NAV3: variants seen among roughly 807,000 people sequenced by gnomAD.
NAV3 encodes pore membrane and/or filament interacting like protein 1.
Under a neutral mutation model 244.7 loss-of-function variants are expected in NAV3, and 87 were observed. That is an observed-to-expected ratio of 0.36 (90% confidence interval 0.30 to 0.42). The LOEUF is 0.42. Among genes scored for constraint, NAV3 ranks in the 20% least tolerant of loss-of-function variants. The pLI is 1.00. For missense variants in NAV3, 2,663 were observed against 2,893.3 expected (o/e 0.92, Z 1.83); for synonymous variants, 1,126 against 1,042.2 (o/e 1.08, Z -1.55).
chr12:77,792,939 G>A (rs184118254), intron 2 of NAV3, among the ~76,000 whole-genome samples: 6 of 152,280 alleles, frequency 3.9e-5, no homozygotes, highest in South Asian at 4.1e-4. Flanking sequence ...CCCTTCAAGT[G>A]TGCTGGGTCA....
chr12:78,129,305 G>T (rs1048462658), intron 18 of NAV3, among the ~76,000 whole-genome samples: 5 of 151,994 alleles, frequency 3.3e-5, no homozygotes, highest in Non-Finnish European at 5.9e-5. Flanking sequence ...AACAAAATTA[G>T]TAATCTTTTG....
At chr12:77,650,325 G>T (rs575505060) in intron 2 of NAV3, among the ~76,000 whole-genome samples, 2 of 152,144 alleles carry the variant, frequency 1.3e-5, no homozygotes, top group Admixed American at 1.3e-4. Flanking sequence ...GTGGAGGAGA[G>T]GGTGAATCAA....
At chr12:78,015,678 G>C (rs1403575039) in intron 8 of NAV3, among the ~76,000 whole-genome samples, 1 of 151,980 alleles carries the variant, frequency 6.6e-6, no homozygotes, top group East Asian at 1.9e-4. Flanking sequence ...GTATGTAATA[G>C]GTATTTTTGT....
At chr12:78,004,519 A>G (rs1873869242) in intron 7 of NAV3, among the ~76,000 whole-genome samples, 1 of 152,238 alleles carries the variant, frequency 6.6e-6, no homozygotes, top group African/African-American at 2.4e-5. Flanking sequence ...AGATTCATTC[A>G]TAGTCAGAAG....
At chr12:78,080,826 A>G (rs937995330) in intron 12 of NAV3, among the ~76,000 whole-genome samples, 1 of 152,268 alleles carries the variant, frequency 6.6e-6, no homozygotes, top group African/African-American at 2.4e-5. Flanking sequence ...AATGAACTGC[A>G]TACTGCAGGT....
chr12:78,004,711 T>G (rs957891430), intron 7 of NAV3, among the ~76,000 whole-genome samples: 1 of 152,242 alleles, frequency 6.6e-6, no homozygotes, highest in Non-Finnish European at 1.5e-5. Flanking sequence ...ATTATTCCAG[T>G]GCCTTCCTGA....
intron 2 of NAV3, among the ~76,000 whole-genome samples, chr12:77,770,144 A>AT (rs58707302): frequency 1.5e-4 from 23 of 150,128 alleles, no homozygotes; most frequent in East Asian, 7.8e-4. Flanking sequence ...TAGAGATCCA[A>AT]TTTTTTTTTT....
At chr12:78,108,465 C>T (rs763243977) in intron 12 of NAV3, among the ~76,000 whole-genome samples, 9 of 152,090 alleles carry the variant, frequency 5.9e-5, no homozygotes, top group African/African-American at 1.4e-4. Flanking sequence ...ACCTAACAGA[C>T]ATTTACAAAA....
chr12:77,903,894 A>G (rs1885628653), intron 1 of NAV3, among the ~76,000 whole-genome samples: 1 of 152,220 alleles, frequency 6.6e-6, no homozygotes, highest in South Asian at 2.1e-4. Flanking sequence ...ACATGAAAAA[A>G]TGCTCATCAT....
intron 2 of NAV3, among the ~76,000 whole-genome samples, chr12:77,604,721 C>T (rs1220227015): frequency 6.6e-6 from 1 of 151,976 alleles, no homozygotes. Context: ...TCGTATAATG[C>T]TCAGTTCATT....
At chr12:78,207,985 T>C (rs957688191) in intron 39 of NAV3, among the ~76,000 whole-genome samples, 5 of 152,174 alleles carry the variant, frequency 3.3e-5, no homozygotes, top group Admixed American at 1.3e-4. Context: ...ATGATAAACA[T>C]TAAATTTATG....
In NAV3 at chr12:78,200,424, GATTATTA is replaced by G. The variant is rs757706842; in HGVS notation, c.6716-47_6716-41del. 3.4e-6 allele frequency: 4 copies of G among 1,181,684 alleles called. No individual in the cohort carries two copies. The African/African-American group carries it at 6.3e-5, about 19-fold the overall frequency. The allele number at this position is 1,181,684 out of a possible 1,614,324, so 73.2% of individuals were successfully genotyped here. On this transcript the variant is annotated intron_variant, in intron 37 of 39. Transcript: ENST00000397909. ...AAAATGGTGTCTAGATATGTGTTTAGATTATTAAATATAACTCTTAAAATATTTTGTT... is the reference window on the plus strand; with the variant it reads ...AAAATGGTGTCTAGATATGTGTTTAGAATATAACTCTTAAAATATTTTGTT...
chr12:77,598,117 AG>A (rs1341716496), intron 2 of NAV3, among the ~76,000 whole-genome samples: 5 of 152,104 alleles, frequency 3.3e-5, no homozygotes, highest in African/African-American at 9.6e-5. Flanking sequence ...TACTGTAGCT[AG>A]AACATTGTTT....
chr12:77,705,595 G>A (rs564450819), intron 2 of NAV3, among the ~76,000 whole-genome samples: 2 of 151,452 alleles, frequency 1.3e-5, no homozygotes, highest in South Asian at 2.1e-4. Flanking sequence ...GCACACTTTC[G>A]AGAAAAGGAC....
chr12:77,858,651 A>G (rs1264714501), intron 1 of NAV3, among the ~76,000 whole-genome samples: 1 of 152,002 alleles, frequency 6.6e-6, no homozygotes, highest in Non-Finnish European at 1.5e-5. Flanking sequence ...CTCCACTTTC[A>G]TTTTAGTCTG....
At chr12:78,137,977 T>G (rs1593744607) in intron 19 of NAV3, among the ~76,000 whole-genome samples, 1 of 152,120 alleles carries the variant, frequency 6.6e-6, no homozygotes, top group East Asian at 1.9e-4. Flanking sequence ...TGCTCAAATA[T>G]ATATATTTTT....
intron 2 of NAV3, among the ~76,000 whole-genome samples, chr12:77,770,489 T>G (rs981321201): frequency 2.0e-5 from 3 of 152,322 alleles, no homozygotes; most frequent in African/African-American, 7.2e-5. Context: ...GATTTTTGCC[T>G]AAACTTCTTT....
At chr12:77,828,281 C>A (rs925915024), upstream of NAV3, among the ~76,000 whole-genome samples, 3 of 152,086 alleles carry the variant, frequency 2.0e-5, no homozygotes, top group African/African-American at 7.2e-5. Flanking sequence ...TGGGTAGATG[C>A]AGCAAGAAGA....
At chr12:77,929,781 C>G (rs1677897) in intron 1 of NAV3, among the ~76,000 whole-genome samples, 1 of 149,374 alleles carries the variant, frequency 6.7e-6, no homozygotes, top group Non-Finnish European at 1.5e-5. Context: ...TACAGGCACC[C>G]GCCACCACGG....
Sources: allele counts gnomAD v4.1 joint callset (sites outside exome capture counted in the v4.1 genomes callset), GRCh38; gene constraint gnomAD v4.1.1; transcripts MANE v1.5; gene names NCBI Gene and HGNC (gene_info 2026-07-23, HGNC 2026-07-21).